Variants in PHLDB2 observed in about 807,000 individuals in gnomAD.
The protein encoded by PHLDB2 is pleckstrin homology-like domain family B member 2.
A neutral mutation model predicts 123.6 loss-of-function variants in PHLDB2; 71 were observed. The ratio of observed to expected loss-of-function variants is 0.57; its 90% CI spans 0.47 to 0.70. PHLDB2 has a LOEUF of 0.70. PHLDB2 is among the 30% of genes least tolerant of loss of function. The probability of loss-of-function intolerance (pLI) is 0.00; values close to 1 mark genes in which losing one functional copy is unlikely to be tolerated. For synonymous variants in PHLDB2, 547 were observed against 541.6 expected (o/e 1.01, Z -0.14); for missense variants, 1,446 against 1,519.5 (o/e 0.95, Z 0.80).
chr3:111,792,988 C>A (rs927301873), intron 1 of PHLDB2, among the ~76,000 whole-genome samples: 3 of 152,188 alleles, frequency 2.0e-5, no homozygotes, highest in South Asian at 2.1e-4. Context: ...GATTCAGACC[C>A]AAAGCTAGCA....
intron 1 of PHLDB2, among the ~76,000 whole-genome samples, chr3:111,874,087 T>C (rs1353094686): frequency 6.6e-6 from 1 of 152,208 alleles, no homozygotes; most frequent in Non-Finnish European, 1.5e-5. Context: ...TCTGACCTAA[T>C]ATGGGCTTGG....
intron 1 of PHLDB2, among the ~76,000 whole-genome samples, chr3:111,874,925 AG>A (rs2065528015): frequency 6.6e-6 from 1 of 152,238 alleles, no homozygotes; most frequent in Non-Finnish European, 1.5e-5. Flanking sequence ...CTAAAAAACA[AG>A]AATATTAATA....
At chr3:111,751,550 A>G (rs571851568) in intron 1 of PHLDB2, among the ~76,000 whole-genome samples, 4 of 151,732 alleles carry the variant, frequency 2.6e-5, no homozygotes, top group Admixed American at 6.6e-5. Context: ...AAAGAGACCT[A>G]TGTTCTACTC....
At position 111,866,014 on chromosome 3, in the gene PHLDB2, ATTT is replaced by A. The variant is rs61038523; in HGVS notation, c.-15+6460_-15+6462del. 1.8e-3 allele frequency among the ~76,000 whole-genome samples: 103 copies of A among 57,412 alleles called. 1 individual carries two copies. The East Asian group carries it at 0.022, about 12-fold the overall frequency. 37.7% of individuals were successfully genotyped at this position (57,412 alleles called of 152,430 possible). A position where few individuals can be genotyped will look rare whatever the true frequency, so the allele number is the denominator to read the frequency against. On this transcript the variant is annotated intron_variant, in intron 1 of 17. Transcript: ENST00000431670. The stretch of plus-strand genomic sequence containing the variant: ...TTTTAGAAACCTACCCCACCCACTC[ATTT>A]TTTTTTTTTTTTTTTTTTTTTGGAG...
chr3:111,933,375 T>G (rs2069254933), intron 6 of PHLDB2, among the ~76,000 whole-genome samples: 2 of 152,240 alleles, frequency 1.3e-5, no homozygotes, highest in South Asian at 4.1e-4. Context: ...AGATAGCACA[T>G]CCTTAAACGT....
chr3:111,908,459 A>T (rs1437149553), intron 2 of PHLDB2, among the ~76,000 whole-genome samples: 1 of 152,188 alleles, frequency 6.6e-6, no homozygotes, highest in Non-Finnish European at 1.5e-5. Context: ...ACACTCCAGG[A>T]CTAGTGTGGG....
At chr3:111,931,151 T>TTA (rs1243900433) in intron 5 of PHLDB2, among the ~76,000 whole-genome samples, 3 of 152,200 alleles carry the variant, frequency 2.0e-5, no homozygotes, top group African/African-American at 7.2e-5. Context: ...TCCTGCCAGT[T>TTA]TATATAAAAG....
chr3:111,946,398 A>G (rs1007578793), intron 9 of PHLDB2, among the ~76,000 whole-genome samples: 1 of 152,242 alleles, frequency 6.6e-6, no homozygotes, highest in Non-Finnish European at 1.5e-5. Context: ...GTGTTTGCAC[A>G]ATCAAAAAAA....
At position 111,913,709 on chromosome 3, in the gene PHLDB2, T is replaced by G; in HGVS notation, c.1719+7T>G. 6.2e-7 allele frequency: 1 copy of G among 1,605,702 alleles called. No individual in the cohort carries two copies. On this transcript the variant is annotated splice_region_variant and intron_variant, in intron 3 of 17. Coordinates refer to ENST00000431670, the MANE Select transcript of PHLDB2 (RefSeq NM_001134438.2). Reference sequence around the variant, plus strand: ...TCTAAGTATCCTACCAAAGGTAATGTTGGCCCAGCAAAGATACTAGGATTT... The same window carrying G: ...TCTAAGTATCCTACCAAAGGTAATGGTGGCCCAGCAAAGATACTAGGATTT...
intron 2 of PHLDB2, among the ~76,000 whole-genome samples, chr3:111,903,346 G>C (rs982474880): frequency 6.6e-6 from 1 of 152,160 alleles, no homozygotes; most frequent in Admixed American, 6.5e-5. Context: ...TTAATGTGTT[G>C]CTCTGTAGTG....
chr3:111,841,801 G>C (rs1036957559), intron 1 of PHLDB2, among the ~76,000 whole-genome samples: 4 of 152,186 alleles, frequency 2.6e-5, no homozygotes, highest in Non-Finnish European at 4.4e-5. Flanking sequence ...GACTGTAGAG[G>C]TAGAAATGCT....
intron 1 of PHLDB2, among the ~76,000 whole-genome samples, chr3:111,804,253 T>C (rs2061487918): frequency 6.6e-6 from 1 of 152,136 alleles, no homozygotes; most frequent in African/African-American, 2.4e-5. Flanking sequence ...GAACACATGG[T>C]CTATAAACAA....
At chr3:111,900,339 A>T (rs183992778) in intron 2 of PHLDB2, among the ~76,000 whole-genome samples, 1 of 152,236 alleles carries the variant, frequency 6.6e-6, no homozygotes, top group Non-Finnish European at 1.5e-5. Context: ...CATTTTTGGC[A>T]TGCCTTTCTC....
intron 1 of PHLDB2, among the ~76,000 whole-genome samples, chr3:111,828,605 CA>C (rs1380943107): frequency 6.6e-6 from 1 of 152,060 alleles, no homozygotes; most frequent in East Asian, 1.9e-4. Flanking sequence ...AGACTGACAA[CA>C]CAGGGAGACC....
intron 1 of PHLDB2, among the ~76,000 whole-genome samples, chr3:111,808,750 C>A (rs1028434081): frequency 6.6e-6 from 1 of 152,162 alleles, no homozygotes; most frequent in Non-Finnish European, 1.5e-5. Context: ...AAGTCTCCTG[C>A]CCTCTTTGGT....
chr3:111,950,969 A>G (rs1478848671), intron 10 of PHLDB2, among the ~76,000 whole-genome samples: 1 of 152,234 alleles, frequency 6.6e-6, no homozygotes, highest in Non-Finnish European at 1.5e-5. Context: ...TAGCAAAACA[A>G]TCACAGTTTA....
intron 2 of PHLDB2, among the ~76,000 whole-genome samples, chr3:111,847,229 G>A (rs967481498): frequency 2.0e-5 from 3 of 152,150 alleles, no homozygotes; most frequent in African/African-American, 7.2e-5. Flanking sequence ...TTGGAGTGAT[G>A]AGATTAGAGT....
At chr3:111,956,922 A>G (rs113218109) in intron 12 of PHLDB2, 2 of 152,360 alleles carry the variant, frequency 1.3e-5, no homozygotes, top group African/African-American at 4.8e-5. Context: ...GCATATTTTC[A>G]CTAACTCACA....
Position 111,974,450 on chromosome 3 carries a change from G to A in PHLDB2, c.3649G>A (p.Val1217Ile), listed in dbSNP as rs746929879. 3.5e-5 allele frequency: 56 copies of A among 1,611,522 alleles called. No individual in the cohort carries two copies. Among genetic ancestry groups the A allele is most frequent in the South Asian group, 5.5e-5 (5 of 90,668 alleles). Reference sequence around the variant, plus strand: ...TCCTAATCCGTTACTCACCTTTAGCGTCAAGACTCATGACAGAATCTATTA... The same window carrying A: ...TCCTAATCCGTTACTCACCTTTAGCATCAAGACTCATGACAGAATCTATTA... ...KSPNPLLTFS[V>I]KTHDRIYYMV... Residue 1217 changes from valine (V) to isoleucine (I), a missense_variant, in exon 18 of 18, where the codon GTC (valine) becomes ATC (isoleucine). This residue lies in a region of PHLDB2 where 594 missense variants were observed against 646.0 expected (regional missense o/e 0.92). Transcript: ENST00000431670.
Sources: allele counts gnomAD v4.1 joint callset (sites outside exome capture counted in the v4.1 genomes callset), GRCh38; gene constraint gnomAD v4.1.1; regional missense constraint gnomAD v4.1.1; transcripts MANE v1.5; gene names NCBI Gene and HGNC (gene_info 2026-07-23, HGNC 2026-07-21).